The following ITPR2 variants were observed in gnomAD, a reference collection of about 807,000 sequenced individuals.
ITPR2 encodes inositol 1,4,5-trisphosphate-gated calcium channel ITPR2.
In ITPR2, 207 loss-of-function variants were observed where a neutral mutation model predicts 317.1. The ratio of observed to expected loss-of-function variants is 0.65; its 90% CI spans 0.58 to 0.73. The LOEUF is 0.73. Among genes scored for constraint, ITPR2 ranks in the 30% least tolerant of loss-of-function variants. The probability of loss-of-function intolerance (pLI) is 0.00; values close to 1 mark genes in which losing one functional copy is unlikely to be tolerated. For missense variants in ITPR2, 2,613 were observed against 3,284.0 expected (o/e 0.80, Z 4.99); for synonymous variants, 1,156 against 1,149.1 (o/e 1.01, Z -0.12).
At position 26,399,013 on chromosome 12, in the gene ITPR2, T is replaced by C; in HGVS notation, c.7559A>G (p.Tyr2520Cys). The change falls in exon 54 of 57, where the codon TAT (tyrosine) becomes TGT (cysteine). Residue 2520 changes from tyrosine (Y) to cysteine (C), a missense_variant. Around this residue, in one of 9 missense-constraint regions of ITPR2, gnomAD observed 113 missense variants for 129.2 expected, o/e 0.87. Coordinates refer to ENST00000381340, the MANE Select transcript of ITPR2 (RefSeq NM_002223.4). ...AACAATGAAATAAAAAAGAAGGTCA[T>C]AAACCACTCGGGCAGCAAACAAGGG... ...DEPLFAARVV[Y>C]DLLFYFIVII... 1 of 1,593,956 alleles carries C rather than the reference T, an allele frequency of 6.3e-7. No homozygotes were observed. Among genetic ancestry groups the C allele is most frequent in the Non-Finnish European group, 8.5e-7 (1 of 1,175,150 alleles).
chr12:26,696,963 T>C (rs1259373876), intron 9 of ITPR2, among the ~76,000 whole-genome samples: 2 of 152,176 alleles, frequency 1.3e-5, no homozygotes, highest in African/African-American at 4.8e-5. Context: ...AGGGAAAAGA[T>C]GATGGCCAAG....
chr12:26,441,910 T>C (rs1240045028), intron 46 of ITPR2, among the ~76,000 whole-genome samples: 2 of 152,104 alleles, frequency 1.3e-5, no homozygotes, highest in Non-Finnish European at 2.9e-5. Context: ...TATATGTATA[T>C]GTGTGTATTT....
chr12:26,520,956 C>G (rs983210344), intron 37 of ITPR2, among the ~76,000 whole-genome samples: 1 of 152,124 alleles, frequency 6.6e-6, no homozygotes, highest in East Asian at 1.9e-4. Context: ...TAACATGCTC[C>G]TTTTTAGAGC....
At chr12:26,605,126 A>ATATATATATATATATATATATAT (rs373595249) in intron 26 of ITPR2, among the ~76,000 whole-genome samples, 27 of 136,290 alleles carry the variant, frequency 2.0e-4, no homozygotes, top group Admixed American at 6.5e-4. Context: ...AAAAAATAAA[A>ATATATATATATATATATATATAT]ATATATATAT....
At chr12:26,677,285 A>G (rs1028678196) in intron 13 of ITPR2, among the ~76,000 whole-genome samples, 2 of 152,232 alleles carry the variant, frequency 1.3e-5, no homozygotes, top group African/African-American at 4.8e-5. Flanking sequence ...TCAAATACAA[A>G]GTCATTAAAC....
At chr12:26,486,790 A>T (rs1369071151) in intron 40 of ITPR2, 1 of 612,114 alleles carries the variant, frequency 1.6e-6, no homozygotes, top group Non-Finnish European at 3.0e-6. Flanking sequence ...ATGGTCACTT[A>T]AAAGATTTGG....
In ITPR2 at chr12:26,562,747, C is replaced by T. The variant is rs1398057694; in HGVS notation, c.4631-795G>A. Among the ~76,000 whole-genome samples the T allele has an allele frequency of 4.7e-5, 7 of 149,574 alleles. No homozygotes were observed. In the East Asian group the frequency reaches 1.4e-3, roughly 30 times the overall value. On this transcript the variant is annotated intron_variant, in intron 34 of 56. Coordinates refer to ENST00000381340, the MANE Select transcript of ITPR2 (RefSeq NM_002223.4). ...CACTTGGACACAGGAAGGGGAACAT[C>T]ACACACCAGGGCCTGTTGAGGGGTG...
intron 37 of ITPR2, among the ~76,000 whole-genome samples, chr12:26,547,539 T>C (rs949187952): frequency 6.6e-6 from 1 of 152,208 alleles, no homozygotes; most frequent in Non-Finnish European, 1.5e-5. Context: ...GATTCAGCAA[T>C]CCCACTACTG....
At chr12:26,447,000 A>G (rs1293297387) in intron 45 of ITPR2, among the ~76,000 whole-genome samples, 1 of 151,968 alleles carries the variant, frequency 6.6e-6, no homozygotes, top group Non-Finnish European at 1.5e-5. Flanking sequence ...TGCCCTGCAC[A>G]TATCTATATT....
intron 2 of ITPR2, among the ~76,000 whole-genome samples, chr12:26,731,471 G>T (rs184853972): frequency 3.9e-4 from 60 of 152,232 alleles, no homozygotes; most frequent in African/African-American, 1.4e-3. Flanking sequence ...TAGGATAAGG[G>T]GCAGGCAGAC....
chr12:26,681,791 C>A, intron 13 of ITPR2, 83 bp downstream of exon 13: 2 of 993,894 alleles, frequency 2.0e-6, no homozygotes, highest in South Asian at 1.5e-5. Context: ...TGAATATTCC[C>A]TTAGAGTCAT....
rs192502825 is a variant in ITPR2 at position 26,817,814 on chromosome 12, G to A, written c.92+14876C>T. ...TGACCTCATCTGTATGGTCCAAGAT[G>A]CCATTTTCCCATGTCCATATTTCAA... On this transcript the variant is annotated intron_variant, in intron 1 of 56. Transcript: ENST00000381340. 4.6e-4 allele frequency among the ~76,000 whole-genome samples: 70 copies of A among 152,230 alleles called. 1 individual carries two copies. Among genetic ancestry groups the A allele is most frequent in the Non-Finnish European group, 6.0e-4 (41 of 68,022 alleles).
At chr12:26,494,517 C>A (rs943603357) in intron 38 of ITPR2, among the ~76,000 whole-genome samples, 177 bp from the exon 39 acceptor site, 3 of 151,890 alleles carry the variant, frequency 2.0e-5, no homozygotes, top group Non-Finnish European at 4.4e-5. Flanking sequence ...CGCCTGTAAT[C>A]CCAGCACTTT....
intron 37 of ITPR2, among the ~76,000 whole-genome samples, chr12:26,523,041 A>T (rs1168022610): frequency 2.0e-5 from 3 of 152,230 alleles, no homozygotes; most frequent in African/African-American, 7.2e-5. Flanking sequence ...TTGGTTAAAA[A>T]CATAAATCCT....
rs956887927 is a variant in ITPR2 at position 26,407,589 on chromosome 12, TA to T, written c.7399+3730del. The stretch of plus-strand genomic sequence containing the variant: ...TCTTTAGTAGGTATAAAGAAAGGCT[TA>T]AAAAAATCTATCCAAACATACTCAG... On this transcript the variant is annotated intron_variant, in intron 52 of 56. Coordinates refer to ENST00000381340, the MANE Select transcript of ITPR2 (RefSeq NM_002223.4). Among the ~76,000 whole-genome samples the T allele has an allele frequency of 1.8e-4, 28 of 152,284 alleles. 1 individual carries two copies. Among genetic ancestry groups the T allele is most frequent in the African/African-American group, 5.8e-4 (24 of 41,560 alleles).
At chr12:26,567,093 G>C (rs1945002034) in intron 34 of ITPR2, among the ~76,000 whole-genome samples, 1 of 152,166 alleles carries the variant, frequency 6.6e-6, no homozygotes, top group Non-Finnish European at 1.5e-5. Flanking sequence ...ACAAATTGGG[G>C]AGGAGATTGG....
intron 1 of ITPR2, among the ~76,000 whole-genome samples, chr12:26,825,483 G>A (rs1427698151): frequency 1.3e-5 from 2 of 151,896 alleles, no homozygotes; most frequent in Non-Finnish European, 2.9e-5. Context: ...TATTCTCTAA[G>A]TTATCTACAC....
intron 2 of ITPR2, among the ~76,000 whole-genome samples, chr12:26,739,130 T>C (rs907306016): frequency 2.0e-5 from 3 of 152,190 alleles, no homozygotes; most frequent in African/African-American, 7.2e-5. Flanking sequence ...ACCACTAGAA[T>C]GGCTACAATT....
chr12:26,461,701 C>T (rs866261584), intron 45 of ITPR2, among the ~76,000 whole-genome samples: 7,238 of 135,372 alleles, frequency 0.053, 649 homozygotes, highest in African/African-American at 0.19. Flanking sequence ...TACACACACA[C>T]ACACACACAC....
Sources: allele counts gnomAD v4.1 joint callset (sites outside exome capture counted in the v4.1 genomes callset), GRCh38; gene constraint gnomAD v4.1.1; regional missense constraint gnomAD v4.1.1; transcripts MANE v1.5; gene names NCBI Gene and HGNC (gene_info 2026-07-23, HGNC 2026-07-21).